PGAP2: variants seen among roughly 807,000 people sequenced by gnomAD.
The protein encoded by PGAP2 is acyltransferase PGAP2.
PGAP2 carries 21 observed loss-of-function variants against 33.2 expected under a neutral mutation model. The ratio of observed to expected loss-of-function variants is 0.63; its 90% CI spans 0.45 to 0.91. The LOEUF is 0.91. Among genes scored for constraint, PGAP2 ranks in the 40% least tolerant of loss-of-function variants. The pLI, the probability that PGAP2 is intolerant of heterozygous loss-of-function variation, is 0.00. For missense variants in PGAP2, 345 were observed against 424.0 expected, an observed-to-expected ratio of 0.81 and a Z score of 1.64; for synonymous variants, 161 against 172.9, an observed-to-expected ratio of 0.93 and a Z score of 0.54.
At chr11:3,807,462 C>G (rs1330832418), upstream of PGAP2, among the ~76,000 whole-genome samples, 1 of 151,026 alleles carries the variant, frequency 6.6e-6, no homozygotes, top group Non-Finnish European at 1.5e-5. Flanking sequence ...CGCCCGCCAC[C>G]GTGCCCGGCT....
At chr11:3,798,857 G>T (rs2083015637) in intron 1 of PGAP2, among the ~76,000 whole-genome samples, 1 of 151,370 alleles carries the variant, frequency 6.6e-6, no homozygotes, top group Non-Finnish European at 1.5e-5. Context: ...TGGCCAGGCT[G>T]GTCTCGAACT....
exon 1 of PGAP2, chr11:3,797,878 G>A (rs771751020): frequency 3.2e-6 from 5 of 1,550,202 alleles, no homozygotes; most frequent in East Asian, 2.5e-5. Context: ...GGGGTGTCGG[G>A]AAGGGTGGTG....
intron 3 of PGAP2, among the ~76,000 whole-genome samples, chr11:3,821,038 C>T (rs1042953242): frequency 6.7e-6 from 1 of 149,452 alleles, no homozygotes; most frequent in Non-Finnish European, 1.5e-5. Flanking sequence ...CATGTCTGAG[C>T]CTGGTCTCAA....
At chr11:3,823,019 C>CTTTTTTT in intron 3 of PGAP2, 1 of 385,008 alleles carries the variant, frequency 2.6e-6, no homozygotes, top group South Asian at 5.3e-5. Context: ...TTTCTTTTTT[C>CTTTTTTT]TTTTCTTTTT....
intron 5 of PGAP2, chr11:3,824,735 G>A: frequency 8.1e-7 from 1 of 1,241,920 alleles, no homozygotes; most frequent in Non-Finnish European, 1.1e-6. Flanking sequence ...TTCCCCCACA[G>A]TATTTGGAGG....
upstream of PGAP2, among the ~76,000 whole-genome samples, chr11:3,807,047 A>G (rs1008502844): frequency 2.0e-5 from 3 of 150,470 alleles, no homozygotes; most frequent in Admixed American, 6.6e-5. Flanking sequence ...AAGAAAGAAA[A>G]AAAAAAGGCC....
rs114230568 is a variant in PGAP2, at chr11:3,824,639, G to A, written c.708+263G>A. ...GCAAATGGGGATAGAATGAGGAGTC[G>A]CATCTAGGCGGCAGTGAGTTAGGAA... On this transcript the variant is annotated intron_variant, in intron 5 of 6. Coordinates refer to ENST00000278243, the MANE Select transcript of PGAP2 (RefSeq NM_014489.4). 7.7e-4 allele frequency: 537 copies of A among 695,228 alleles called. 2 individuals carry two copies. The African/African-American group carries it at 8.4e-3, about 11-fold the overall frequency. 43.1% of individuals were successfully genotyped at this position (695,228 alleles called of 1,614,324 possible). A position where few individuals can be genotyped will look rare whatever the true frequency, so the allele number is the denominator to read the frequency against.
intron 3 of PGAP2, among the ~76,000 whole-genome samples, chr11:3,821,138 A>G (rs1248504702): frequency 6.6e-6 from 1 of 152,256 alleles, no homozygotes; most frequent in Admixed American, 6.5e-5. Context: ...TTCCTCTGAC[A>G]GTGCAGAAGG....
At chr11:3,814,098 C>T (rs2086210135) in intron 2 of PGAP2, among the ~76,000 whole-genome samples, 1 of 152,118 alleles carries the variant, frequency 6.6e-6, no homozygotes, top group African/African-American at 2.4e-5. Flanking sequence ...CCAGAAATGG[C>T]CAGCCCTAGG....
Position 3,811,312 on chromosome 11 carries a change from G to A in PGAP2, c.53G>A (p.Arg18His), listed in dbSNP as rs753908644. 35 of 1,613,944 alleles carry A rather than the reference G, an allele frequency of 2.2e-5. No individual in the cohort carries two copies. Among genetic ancestry groups the A allele is most frequent in the Admixed American group, 5.0e-5 (3 of 59,994 alleles). The change falls in exon 2 of 7, where the codon CGC (arginine) becomes CAC (histidine). Residue 18 changes from arginine to histidine, a missense_variant. Coordinates refer to ENST00000278243, the MANE Select transcript of PGAP2 (RefSeq NM_014489.4). The surrounding 1 kb of genome is among the most constrained non-coding windows in gnomAD (Gnocchi z 4.6). Reference sequence around the variant, plus strand: ...CGGGATGGGACCCTGGTACGGCTCCGCTTCACCATGGTGGCCCTGGTCACG... The same window carrying A: ...CGGGATGGGACCCTGGTACGGCTCCACTTCACCATGGTGGCCCTGGTCACG... ...LDRDGTLVRLRFTMVALVTVC... is the reference protein window; with the variant it reads ...LDRDGTLVRLHFTMVALVTVC...
intron 3 of PGAP2, among the ~76,000 whole-genome samples, chr11:3,822,342 C>T (rs1006503677): frequency 5.3e-5 from 8 of 151,908 alleles, no homozygotes; most frequent in Admixed American, 6.6e-5. Flanking sequence ...CCAGCCTAGG[C>T]GACAGTGTGA....
chr11:3,804,052 A>G (rs1172030496), upstream of PGAP2, among the ~76,000 whole-genome samples: 2 of 151,988 alleles, frequency 1.3e-5, no homozygotes, highest in Non-Finnish European at 2.9e-5. Context: ...CAGCCTACCA[A>G]AGTGCTGGGA....
At chr11:3,813,814 T>G (rs1259518275) in intron 2 of PGAP2, among the ~76,000 whole-genome samples, 1 of 152,224 alleles carries the variant, frequency 6.6e-6, no homozygotes, top group African/African-American at 2.4e-5. Context: ...TTAAACAGAC[T>G]AGGCTGTTTG....
intron 2 of PGAP2, among the ~76,000 whole-genome samples, chr11:3,817,066 C>G (rs1008266963): frequency 2.6e-5 from 4 of 152,094 alleles, no homozygotes; most frequent in African/African-American, 9.7e-5. Context: ...AGCTCCCTGT[C>G]CAAGCCACCG....
At chr11:3,805,976 C>T (rs1332786120), upstream of PGAP2, among the ~76,000 whole-genome samples, 2 of 102 alleles carry the variant, frequency 0.02, no homozygotes, top group East Asian at 0.12. Flanking sequence ...TGAGCCACCA[C>T]GCCCCCGCGA....
intron 3 of PGAP2, among the ~76,000 whole-genome samples, chr11:3,822,655 A>T (rs1213758915): frequency 2.0e-5 from 3 of 152,218 alleles, no homozygotes; most frequent in East Asian, 1.9e-4. Context: ...AAACAAAATT[A>T]AAAAATTAAA....
intron 1 of PGAP2, among the ~76,000 whole-genome samples, chr11:3,810,653 C>G (rs1449349196): frequency 6.6e-6 from 1 of 152,112 alleles, no homozygotes; most frequent in African/African-American, 2.4e-5. Flanking sequence ...CCTGGGGGCA[C>G]GTGAGGGAGC....
chr11:3,798,136 C>T, intron 1 of PGAP2: 4 of 1,448,202 alleles, frequency 2.8e-6, no homozygotes, highest in East Asian at 2.6e-5. Flanking sequence ...GAGGCTTCTT[C>T]AGGGCCCTAA....
At chr11:3,822,999 G>A (rs957063833) in intron 3 of PGAP2, 14 of 1,231,878 alleles carry the variant, frequency 1.1e-5, no homozygotes, top group Admixed American at 2.8e-5. Context: ...CCCAGGTTAG[G>A]AGCACCCACT....
Sources: gnomAD v4.1 joint callset for allele counts (sites outside exome capture counted in the v4.1 genomes callset) on GRCh38, gnomAD v4.1.1 for gene constraint, Gnocchi (gnomAD v3.1) non-coding constraint, MANE v1.5 for transcripts, NCBI Gene and HGNC (gene_info 2026-07-23, HGNC 2026-07-21) for gene names.